The following CRKL variants were observed in gnomAD, a reference collection of about 807,000 sequenced individuals.
CRKL encodes the protein crk-like protein.
CRKL carries 3 observed loss-of-function variants against 23.0 expected under a neutral mutation model. The observed-to-expected ratio is 0.13, with a 90% CI of 0.06 to 0.34. The LOEUF (loss-of-function observed/expected upper bound fraction) is 0.34. Ranked by LOEUF, CRKL falls within the 10% of genes least tolerant of loss-of-function variation. The pLI is 1.00. For synonymous variants in CRKL, 188 were observed against 160.7 expected (o/e 1.17, Z -1.28); for missense variants, 256 against 394.5 (o/e 0.65, Z 2.97).
chr22:20,941,536 T>TTGTGTGTGTGTGTG lies in CRKL; in HGVS notation c.777+7293_777+7294insGTGTGTGTGTGTGT, dbSNP rs1246252249. Among the ~76,000 whole-genome samples the TTGTGTGTGTGTGTG allele has an allele frequency of 9.9e-5, 8 of 80,694 alleles. 2 individuals are homozygous for TTGTGTGTGTGTGTG. Among genetic ancestry groups the TTGTGTGTGTGTGTG allele is most frequent in the African/African-American group, 3.3e-4 (8 of 24,084 alleles). The allele number at this position is 80,694 out of a possible 152,430, so 52.9% of individuals were successfully genotyped here. A position where few individuals can be genotyped will look rare whatever the true frequency, so the allele number is the denominator to read the frequency against. ...GTGTATGTGTATATATATATATATTTTATGTGTGTGTGTGTGTGTGTGTGT... is the reference window on the plus strand; with the variant it reads ...GTGTATGTGTATATATATATATATTTTGTGTGTGTGTGTGTATGTGTGTGTGTGTGTGTGTGTGT... On this transcript the variant is annotated intron_variant, in intron 2 of 2. Transcript: ENST00000354336.
chr22:20,935,015 C>T (rs1178404303), intron 2 of CRKL, among the ~76,000 whole-genome samples: 1 of 151,806 alleles, frequency 6.6e-6, no homozygotes, highest in Non-Finnish European at 1.5e-5. Flanking sequence ...AGGGTTTCAC[C>T]GTATTAGCCA....
At chr22:20,926,690 T>G (rs1247823015) in intron 1 of CRKL, among the ~76,000 whole-genome samples, 1 of 151,552 alleles carries the variant, frequency 6.6e-6, no homozygotes, top group Non-Finnish European at 1.5e-5. Context: ...CAGGAATAAG[T>G]AGAGAAAGAG....
rs930826578 is a variant in CRKL, at chr22:20,917,441, C to G, written c.-494C>G. On this transcript the variant is annotated 5_prime_UTR_variant, in exon 1 of 3. Coordinates refer to ENST00000354336, the MANE Select transcript of CRKL (RefSeq NM_005207.4). ...GCGCGCTGAGCGGAGGGGGAGGTGG[C>G]TGCCGCTTCTCCCGCGTCCGCCATT... is the stretch of plus-strand genomic sequence containing the variant. 1 of 227,608 alleles carries G rather than the reference C, an allele frequency of 4.4e-6. No individual in the cohort carries two copies. The highest frequency in any genetic ancestry group is 8.7e-6 in the Non-Finnish European group (1 of 114,356). The allele number at this position is 227,608 out of a possible 1,614,324, so 14.1% of individuals were successfully genotyped here.
chr22:20,930,414 C>G (rs998604611), intron 1 of CRKL, among the ~76,000 whole-genome samples: 2 of 152,192 alleles, frequency 1.3e-5, no homozygotes, highest in Non-Finnish European at 2.9e-5. Context: ...GAGTCTTGCT[C>G]TGTCACCCAG....
intron 1 of CRKL, among the ~76,000 whole-genome samples, chr22:20,932,147 T>G (rs1223293429): frequency 1.3e-5 from 2 of 150,616 alleles, no homozygotes; most frequent in East Asian, 3.9e-4. Context: ...CTTGTTCTGT[T>G]GCCCAGGCTG....
chr22:20,943,666 C>A (rs1921955773), intron 2 of CRKL, among the ~76,000 whole-genome samples: 1 of 152,164 alleles, frequency 6.6e-6, no homozygotes, highest in South Asian at 2.1e-4. Context: ...GTTATTCTTT[C>A]CCTGTTGAAT....
At chr22:20,925,262 C>T (rs1187710548) in intron 1 of CRKL, among the ~76,000 whole-genome samples, 1 of 150,418 alleles carries the variant, frequency 6.6e-6, no homozygotes, top group East Asian at 2.0e-4. Flanking sequence ...TTTTAAAACT[C>T]AAATCCACAG....
chr22:20,925,435 G>A (rs1315999302), intron 1 of CRKL, among the ~76,000 whole-genome samples: 1 of 152,112 alleles, frequency 6.6e-6, no homozygotes, highest in African/African-American at 2.4e-5. Flanking sequence ...ACTGAACCTG[G>A]GAGGCAGAGA....
intron 2 of CRKL, among the ~76,000 whole-genome samples, chr22:20,937,176 A>G (rs938292306): frequency 1.3e-5 from 2 of 152,198 alleles, no homozygotes; most frequent in South Asian, 2.1e-4. Flanking sequence ...TCTCACCCAC[A>G]CACAGACCTG....
Position 20,942,497 on chromosome 22 carries a change from G to A in CRKL, c.778-7214G>A, listed in dbSNP as rs941166957. 5.3e-5 allele frequency among the ~76,000 whole-genome samples: 8 copies of A among 152,248 alleles called. No homozygotes were observed. The South Asian group carries it at 1.0e-3, about 20-fold the overall frequency. On this transcript the variant is annotated intron_variant, in intron 2 of 2. Coordinates refer to ENST00000354336, the MANE Select transcript of CRKL (RefSeq NM_005207.4). ...CTTGATGGATACTTGAGTTGTTTTC[G>A]TTATTTTGGCTATGGTGAATAATGC...
In CRKL at chr22:20,949,627, G is replaced by A. The variant is rs2147918012; in HGVS notation, c.778-84G>A. The A allele has an allele frequency of 2.6e-6, 4 of 1,554,124 alleles. No individual in the cohort carries two copies. The South Asian group carries it at 3.5e-5, about 13-fold the overall frequency. ...TAAATAATAATGTATGGGCCCTTTG[G>A]ATAAGGTAGTGTTTGTGATTTAATG... is the stretch of plus-strand genomic sequence containing the variant. On this transcript the variant is annotated intron_variant, in intron 2 of 2. Coordinates refer to ENST00000354336, the MANE Select transcript of CRKL (RefSeq NM_005207.4).
In CRKL at chr22:20,950,263, T is replaced by C. The variant is rs183405299; in HGVS notation, c.*418T>C. 1.7e-4 allele frequency: 40 copies of C among 238,480 alleles called. No individual in the cohort carries two copies. Among genetic ancestry groups the C allele is most frequent in the African/African-American group, 8.1e-4 (37 of 45,606 alleles). 14.8% of individuals were successfully genotyped at this position (238,480 alleles called of 1,614,324 possible). A position where few individuals can be genotyped will look rare whatever the true frequency, so the allele number is the denominator to read the frequency against. On this transcript the variant is annotated 3_prime_UTR_variant, in exon 3 of 3. Transcript: ENST00000354336. ...AGTGGCTTAGCTGCCATCTTGCTTTTCTTTGGACAACAGGAAGTGAACCTT... is the reference window on the plus strand; with the variant it reads ...AGTGGCTTAGCTGCCATCTTGCTTTCCTTTGGACAACAGGAAGTGAACCTT...
intron 1 of CRKL, among the ~76,000 whole-genome samples, chr22:20,926,621 A>G (rs1921212401): frequency 1.3e-5 from 2 of 152,278 alleles, no homozygotes; most frequent in South Asian, 4.1e-4. Context: ...TAAGGGCTGA[A>G]TACATATAGA....
chr22:20,947,989 G>C (rs1428966697), intron 2 of CRKL, among the ~76,000 whole-genome samples: 1 of 152,114 alleles, frequency 6.6e-6, no homozygotes, highest in East Asian at 1.9e-4. Context: ...CGGCCACTTT[G>C]TGCTTTTCAC....
rs1463918076 is a variant in CRKL, at chr22:20,918,162, G to C, written c.228G>C (p.Gln76His). 4 of 1,614,040 alleles carry C rather than the reference G, an allele frequency of 2.5e-6. No homozygotes were observed. The African/African-American group carries it at 5.3e-5, about 22-fold the overall frequency. Residue 76 changes from glutamine to histidine, a missense_variant, in exon 1 of 3, where the codon CAG (glutamine) becomes CAC (histidine). Around this residue, in one of 3 missense-constraint regions of CRKL, gnomAD observed 85 missense variants for 139.8 expected, o/e 0.61. Coordinates refer to ENST00000354336, the MANE Select transcript of CRKL (RefSeq NM_005207.4). ...LPNRRFKIGD[Q>H]EFDHLPALLE... ...ACCGCCGTTTTAAGATCGGGGACCA[G>C]GAATTTGACCATTTGCCGGCCCTGC...
At chr22:20,944,235 T>A (rs920772766) in intron 2 of CRKL, among the ~76,000 whole-genome samples, 7 of 151,022 alleles carry the variant, frequency 4.6e-5, no homozygotes, top group African/African-American at 1.7e-4. Context: ...GTGATCCTCC[T>A]GTCTCAGCCT....
intron 1 of CRKL, among the ~76,000 whole-genome samples, chr22:20,929,592 T>C (rs1921364372): frequency 1.3e-5 from 2 of 152,156 alleles, no homozygotes; most frequent in African/African-American, 4.8e-5. Context: ...GCCTCCCAAG[T>C]AGCTGGGCCT....
chr22:20,917,719 G>T lies in CRKL; in HGVS notation c.-216G>T, dbSNP rs560836577. On this transcript the variant is annotated 5_prime_UTR_variant, in exon 1 of 3. Coordinates refer to ENST00000354336, the MANE Select transcript of CRKL (RefSeq NM_005207.4). ...CGGCTCTGCCGTGCATTCCCGGGCGGCTCTCTCCGTGTGGCGGCCCCGGAG... is the reference window on the plus strand; with the variant it reads ...CGGCTCTGCCGTGCATTCCCGGGCGTCTCTCTCCGTGTGGCGGCCCCGGAG... 1.1e-4 allele frequency: 65 copies of T among 583,620 alleles called. No individual in the cohort carries two copies. In the African/African-American group the frequency reaches 1.1e-3, roughly 10 times the overall value. The allele number at this position is 583,620 out of a possible 1,614,324, so 36.2% of individuals were successfully genotyped here. A position where few individuals can be genotyped will look rare whatever the true frequency, so the allele number is the denominator to read the frequency against.
intron 2 of CRKL, among the ~76,000 whole-genome samples, chr22:20,936,034 C>T (rs560066024): frequency 6.6e-6 from 1 of 152,138 alleles, no homozygotes; most frequent in African/African-American, 2.4e-5. Context: ...TGGGCATGCA[C>T]CTGTAGCCTC....
Sources: gnomAD v4.1 joint callset for allele counts (sites outside exome capture counted in the v4.1 genomes callset) on GRCh38, gnomAD v4.1.1 for gene constraint, gnomAD v4.1.1 regional missense constraint, MANE v1.5 for transcripts, NCBI Gene and HGNC (gene_info 2026-07-23, HGNC 2026-07-21) for gene names.